The following PCGF3 variants were observed in gnomAD, a reference collection of about 807,000 sequenced individuals.
PCGF3 encodes polycomb group ring finger 3.
PCGF3 carries 7 observed loss-of-function variants against 33.1 expected under a neutral mutation model. The observed-to-expected ratio is 0.21, with a 90% CI of 0.12 to 0.40. The LOEUF is 0.40. Among genes scored for constraint, PCGF3 ranks in the 10% least tolerant of loss-of-function variants. The pLI is 1.00. For synonymous variants in PCGF3, 153 were observed against 121.3 expected, an observed-to-expected ratio of 1.26 and a Z score of -1.72; for missense variants, 211 against 313.3, an observed-to-expected ratio of 0.67 and a Z score of 2.46.
intron 1 of PCGF3, among the ~76,000 whole-genome samples, chr4:710,230 T>C (rs1742507447): frequency 6.6e-6 from 1 of 152,210 alleles, no homozygotes; most frequent in Admixed American, 6.5e-5. Flanking sequence ...CTCTGAAGGC[T>C]GGACTGGGGA....
rs1006985753 is a variant in PCGF3, at chr4:752,400, A to C, written c.462+7712A>C. On this transcript the variant is annotated intron_variant, in intron 8 of 10. Transcript: ENST00000362003. ...TAAGTATAAGCCATCGGTCTGTTTAATTCCAGAACTCTCCTTTCTGGAGCC... is the reference window on the plus strand; with the variant it reads ...TAAGTATAAGCCATCGGTCTGTTTACTTCCAGAACTCTCCTTTCTGGAGCC... Among the ~76,000 whole-genome samples the C allele has an allele frequency of 6.6e-5, 10 of 152,288 alleles. No individual in the cohort carries two copies. In the East Asian group the frequency reaches 1.9e-3, roughly 29 times the overall value.
chr4:709,193 A>G (rs1282859966), intron 1 of PCGF3, among the ~76,000 whole-genome samples: 1 of 152,210 alleles, frequency 6.6e-6, no homozygotes, highest in Non-Finnish European at 1.5e-5. Context: ...TACATTCCCC[A>G]AAAGAGTGAA....
At chr4:763,571 A>T (rs544547922) in intron 9 of PCGF3, among the ~76,000 whole-genome samples, 1 of 152,332 alleles carries the variant, frequency 6.6e-6, no homozygotes, top group South Asian at 2.1e-4. Flanking sequence ...CCAAGCACTG[A>T]CAACACATTC....
Position 743,083 on chromosome 4 carries a change from A to G in PCGF3, c.263-391A>G, listed in dbSNP as rs75500357. 5.3e-5 allele frequency among the ~76,000 whole-genome samples: 8 copies of G among 152,158 alleles called. No homozygotes were observed. The East Asian group carries it at 5.8e-4, about 11-fold the overall frequency. On this transcript the variant is annotated intron_variant, in intron 6 of 10. Transcript: ENST00000362003. ...CACTGGCTCAGCCGTGAGGTCAGCA[A>G]TGATGTCTGGCATGGCACTGCTGTG... is the stretch of plus-strand genomic sequence containing the variant.
intron 6 of PCGF3, among the ~76,000 whole-genome samples, chr4:740,823 G>C (rs554174764): frequency 6.6e-6 from 1 of 152,192 alleles, no homozygotes; most frequent in Admixed American, 6.5e-5. Flanking sequence ...GCCTTCACCC[G>C]TAAGCCCGTC....
intron 8 of PCGF3, among the ~76,000 whole-genome samples, chr4:749,081 T>C (rs2094625191): frequency 6.6e-6 from 1 of 152,258 alleles, no homozygotes; most frequent in Non-Finnish European, 1.5e-5. Context: ...AATATTTACC[T>C]TTTCTTTTGA....
At chr4:747,781 G>A (rs1400455957) in intron 8 of PCGF3, among the ~76,000 whole-genome samples, 1 of 152,204 alleles carries the variant, frequency 6.6e-6, no homozygotes, top group Non-Finnish European at 1.5e-5. Flanking sequence ...GGAGCACCGA[G>A]GGAGGGCTCA....
At position 761,467 on chromosome 4, in the gene PCGF3, A is replaced by G. The variant is rs772649222; in HGVS notation, c.600+51A>G. 3.3e-6 allele frequency: 5 copies of G among 1,500,246 alleles called. No homozygotes were observed. The East Asian group carries it at 7.2e-5, about 22-fold the overall frequency. 92.9% of individuals were successfully genotyped at this position (1,500,246 alleles called of 1,614,324 possible). On this transcript the variant is annotated intron_variant, in intron 9 of 10. Transcript: ENST00000362003. ...CCATAACAAGTCCTCTCTTATTTCT[A>G]AAGGTAACTCCAAGATTCTTTGCTT...
At chr4:716,278 T>A (rs1335979082) in intron 1 of PCGF3, among the ~76,000 whole-genome samples, 7 of 132,386 alleles carry the variant, frequency 5.3e-5, no homozygotes, top group South Asian at 2.8e-4. Flanking sequence ...TGGGACCCTG[T>A]AGACACTGAG....
rs145173133 is a variant in PCGF3 at position 753,629 on chromosome 4, C to T, written c.463-7650C>T. 4.2e-3 allele frequency among the ~76,000 whole-genome samples: 589 copies of T among 139,286 alleles called. 26 individuals carry two copies. In the East Asian group the frequency reaches 0.092, roughly 22 times the overall value. The allele number at this position is 139,286 out of a possible 152,430, so 91.4% of individuals were successfully genotyped here. Reference sequence around the variant, plus strand: ...CTGCACTCCAGCCTGGGCGACAGAGCGAGAGTCCGGTCTCAAAAAAAAAAA... The same window carrying T: ...CTGCACTCCAGCCTGGGCGACAGAGTGAGAGTCCGGTCTCAAAAAAAAAAA... On this transcript the variant is annotated intron_variant, in intron 8 of 10. Coordinates refer to ENST00000362003, the Ensembl canonical transcript of PCGF3.
chr4:744,898 G>T (rs867378679), intron 8 of PCGF3, among the ~76,000 whole-genome samples: 95 of 7,784 alleles, frequency 0.012, 1 homozygote, highest in Admixed American at 0.021. Context: ...GTTAGTGCTC[G>T]CCGTGGAGGC....
At chr4:760,040 C>T (rs1352435330) in intron 8 of PCGF3, among the ~76,000 whole-genome samples, 3 of 152,220 alleles carry the variant, frequency 2.0e-5, no homozygotes, top group East Asian at 1.9e-4. Flanking sequence ...CAGGCGGCCT[C>T]GCTCCATCCC....
At chr4:714,997 G>A (rs1742747519) in intron 1 of PCGF3, among the ~76,000 whole-genome samples, 1 of 149,904 alleles carries the variant, frequency 6.7e-6, no homozygotes, top group Non-Finnish European at 1.5e-5. Flanking sequence ...CTGGGTGTCG[G>A]TGCTGGGACC....
At chr4:722,866 G>A (rs1450101848) in intron 1 of PCGF3, among the ~76,000 whole-genome samples, 2 of 94,708 alleles carry the variant, frequency 2.1e-5, no homozygotes, top group Non-Finnish European at 4.0e-5. Flanking sequence ...CGCCATCCAC[G>A]CCGGGTCCAC....
chr4:735,600 A>G (rs1743791627), intron 5 of PCGF3, among the ~76,000 whole-genome samples: 1 of 152,218 alleles, frequency 6.6e-6, no homozygotes, highest in African/African-American at 2.4e-5. Context: ...CCTCAAGACC[A>G]AGTTGAATCT....
intron 1 of PCGF3, among the ~76,000 whole-genome samples, chr4:707,593 C>T (rs1742371485): frequency 9.4e-6 from 1 of 106,566 alleles, no homozygotes; most frequent in Admixed American, 8.7e-5. Context: ...CCCTGGGGGT[C>T]GGGACTCTGG....
At chr4:742,450 G>A (rs1417925898) in intron 6 of PCGF3, among the ~76,000 whole-genome samples, 2 of 152,226 alleles carry the variant, frequency 1.3e-5, no homozygotes, top group African/African-American at 4.8e-5. Context: ...CCTTGGTCAC[G>A]TAGCACATAC....
chr4:733,853 C>T (rs765509028), intron 4 of PCGF3, 64 bp downstream of exon 4: 5 of 1,612,508 alleles, frequency 3.1e-6, no homozygotes, highest in African/African-American at 1.3e-5. Flanking sequence ...CTCTTCAGAA[C>T]CTTGGCTTTT....
intron 1 of PCGF3, among the ~76,000 whole-genome samples, chr4:708,074 C>T (rs1742410659): frequency 3.3e-5 from 5 of 150,856 alleles, no homozygotes; most frequent in Admixed American, 1.3e-4. Context: ...GACCCTGGGA[C>T]AGCCCTGTTT....
Sources: gnomAD v4.1 joint callset for allele counts (sites outside exome capture counted in the v4.1 genomes callset) on GRCh38, gnomAD v4.1.1 for gene constraint, MANE v1.5 for transcripts, NCBI Gene and HGNC (gene_info 2026-07-23, HGNC 2026-07-21) for gene names.